NEK11: variants seen among roughly 807,000 people sequenced by gnomAD.
NEK11 encodes NIMA related kinase 11.
A neutral mutation model predicts 80.7 loss-of-function variants in NEK11; 72 were observed. The ratio of observed to expected loss-of-function variants is 0.89; its 90% CI spans 0.74 to 1.08. The LOEUF is 1.08. Ranked by LOEUF, NEK11 falls within the 50% of genes least tolerant of loss-of-function variation. NEK11 has a pLI of 0.00. For synonymous variants in NEK11, 251 were observed against 260.7 expected, an observed-to-expected ratio of 0.96 and a Z score of 0.36; for missense variants, 764 against 763.6, an observed-to-expected ratio of 1.00 and a Z score of -0.01.
At chr3:131,033,389 T>A (rs2065163634) in intron 3 of NEK11, among the ~76,000 whole-genome samples, 1 of 152,218 alleles carries the variant, frequency 6.6e-6, no homozygotes, top group African/African-American at 2.4e-5. Flanking sequence ...ATGAATGCTA[T>A]TCCTTCAACA....
At chr3:131,203,255 A>T (rs2094310332) in intron 14 of NEK11, among the ~76,000 whole-genome samples, 1 of 152,118 alleles carries the variant, frequency 6.6e-6, no homozygotes, top group Admixed American at 6.5e-5. Context: ...AGCCATAAAA[A>T]ATGATGAGTT....
Position 131,029,596 on chromosome 3 carries a change from A to T in NEK11, c.-96-17A>T. The stretch of plus-strand genomic sequence containing the variant: ...TAGCAACCTTTAGACCTGATCTTTT[A>T]ACTTTTCATCTTTAAGGAACTGACC... On this transcript the variant is annotated splice_polypyrimidine_tract_variant and intron_variant, in intron 2 of 17. Coordinates refer to ENST00000383366, the MANE Select transcript of NEK11 (RefSeq NM_024800.5). The T allele has an allele frequency of 9.4e-7, 1 of 1,063,668 alleles. No individual in the cohort carries two copies. The highest frequency in any genetic ancestry group is 1.4e-6 in the Non-Finnish European group (1 of 727,752). 65.9% of individuals were successfully genotyped at this position (1,063,668 alleles called of 1,614,324 possible).
At chr3:131,160,161 T>C (rs2091339415) in intron 10 of NEK11, among the ~76,000 whole-genome samples, 2 of 152,142 alleles carry the variant, frequency 1.3e-5, no homozygotes, top group Admixed American at 1.3e-4. Flanking sequence ...AAGAAAAAAT[T>C]TTAAAGGCAG....
chr3:131,076,727 C>T (rs1277035000), intron 3 of NEK11, among the ~76,000 whole-genome samples: 1 of 152,210 alleles, frequency 6.6e-6, no homozygotes, highest in African/African-American at 2.4e-5. Context: ...GACATCCTTA[C>T]CTCAACTTTA....
intron 17 of NEK11, among the ~76,000 whole-genome samples, chr3:131,340,260 A>T (rs747990906): frequency 1.4e-4 from 22 of 152,214 alleles, no homozygotes; most frequent in Non-Finnish European, 2.5e-4. Flanking sequence ...CAAAAGACTC[A>T]GGGACAAAAT....
intron 4 of NEK11, among the ~76,000 whole-genome samples, chr3:131,107,953 A>G (rs1205394650): frequency 6.6e-6 from 1 of 152,160 alleles, no homozygotes; most frequent in Non-Finnish European, 1.5e-5. Flanking sequence ...CTCAAGGAGT[A>G]AAAAGAGAGA....
At chr3:131,202,632 G>A (rs1206224137) in intron 14 of NEK11, among the ~76,000 whole-genome samples, 1 of 152,124 alleles carries the variant, frequency 6.6e-6, no homozygotes, top group East Asian at 1.9e-4. Flanking sequence ...CCATCAGAGT[G>A]AACAGGCAAC....
chr3:131,097,221 A>G (rs1420444530), intron 4 of NEK11, among the ~76,000 whole-genome samples: 1 of 151,996 alleles, frequency 6.6e-6, no homozygotes, highest in Non-Finnish European at 1.5e-5. Flanking sequence ...TTATAGCAGC[A>G]TGATTTATAG....
At chr3:131,336,554 G>A (rs7626995) in intron 17 of NEK11, among the ~76,000 whole-genome samples, 119,830 of 152,086 alleles carry the variant, frequency 0.79, 47,336 homozygotes, top group African/African-American at 0.83. Context: ...GGACATAGGC[G>A]TGGGCAAGGA....
At position 131,085,030 on chromosome 3, in the gene NEK11, A is replaced by T. The variant is rs574189800; in HGVS notation, c.336+4442A>T. Among the ~76,000 whole-genome samples the T allele has an allele frequency of 4.6e-5, 7 of 152,370 alleles. No homozygotes were observed. The East Asian group carries it at 1.4e-3, about 29-fold the overall frequency. ...AAAGATGAGGCCCAGAGCTGAGAAC[A>T]AGAGAGTCTGGCCCTGTAGTGAGTG... On this transcript the variant is annotated intron_variant, in intron 4 of 17. Transcript: ENST00000383366.
At chr3:131,303,836 T>A (rs2096691100) in intron 17 of NEK11, among the ~76,000 whole-genome samples, 2 of 152,182 alleles carry the variant, frequency 1.3e-5, no homozygotes, top group South Asian at 4.1e-4. Context: ...TTGGGGATGC[T>A]CATCTTTGTA....
intron 3 of NEK11, among the ~76,000 whole-genome samples, chr3:131,051,969 T>C (rs571879275): frequency 7.9e-5 from 12 of 152,296 alleles, no homozygotes; most frequent in African/African-American, 2.2e-4. Flanking sequence ...TTCTCTCCCC[T>C]TTTTTGAGTT....
intron 17 of NEK11, among the ~76,000 whole-genome samples, chr3:131,289,051 A>T (rs1033442437): frequency 6.6e-6 from 1 of 152,214 alleles, no homozygotes; most frequent in Non-Finnish European, 1.5e-5. Flanking sequence ...AAAGTACCAT[A>T]ACCAAGTTGC....
intron 14 of NEK11, among the ~76,000 whole-genome samples, chr3:131,221,417 T>C (rs2095021661): frequency 6.6e-6 from 1 of 152,100 alleles, no homozygotes; most frequent in Admixed American, 6.6e-5. Flanking sequence ...ATAGGCAAAT[T>C]TGGAAATTTT....
At position 131,228,430 on chromosome 3, in the gene NEK11, C is replaced by T. The variant is rs571849852; in HGVS notation, c.1400-98C>T. On this transcript the variant is annotated intron_variant, in intron 14 of 17. Transcript: ENST00000383366. Reference sequence around the variant, plus strand: ...CTACACTCCATGGAAGCTTTGTCAACGCAAGCAAAATATACATCCCTGTGA... The same window carrying T: ...CTACACTCCATGGAAGCTTTGTCAATGCAAGCAAAATATACATCCCTGTGA... The T allele has an allele frequency of 5.2e-5, 58 of 1,110,794 alleles. 1 individual carries two copies. The highest frequency in any genetic ancestry group is 5.1e-4 in the Middle Eastern group (2 of 3,952). The allele number at this position is 1,110,794 out of a possible 1,614,324, so 68.8% of individuals were successfully genotyped here.
At chr3:131,201,505 A>G (rs2094225477) in intron 14 of NEK11, among the ~76,000 whole-genome samples, 1 of 152,192 alleles carries the variant, frequency 6.6e-6, no homozygotes, top group Non-Finnish European at 1.5e-5. Context: ...GTACATATCT[A>G]GGGGAAATGT....
At chr3:131,308,519 CCT>C (rs1224576296) in intron 17 of NEK11, among the ~76,000 whole-genome samples, 2 of 152,084 alleles carry the variant, frequency 1.3e-5, no homozygotes, top group East Asian at 3.9e-4. Context: ...AATTTACACC[CCT>C]GTCTTTAAGA....
chr3:131,030,065 C>T (rs2064566029), intron 3 of NEK11, among the ~76,000 whole-genome samples, 187 bp downstream of exon 3: 1 of 152,114 alleles, frequency 6.6e-6, no homozygotes, highest in South Asian at 2.1e-4. Flanking sequence ...CATGGCAAAA[C>T]CCTGTCTCTA....
At chr3:131,185,994 G>T (rs1370650308) in intron 14 of NEK11, among the ~76,000 whole-genome samples, 2 of 152,110 alleles carry the variant, frequency 1.3e-5, no homozygotes, top group South Asian at 2.1e-4. Context: ...CACCCATTTT[G>T]CAGGGGTTTA....
Sources: gnomAD v4.1 joint callset for allele counts (sites outside exome capture counted in the v4.1 genomes callset) on GRCh38, gnomAD v4.1.1 for gene constraint, MANE v1.5 for transcripts, NCBI Gene and HGNC (gene_info 2026-07-23, HGNC 2026-07-21) for gene names.